Variants in PTPRD observed in about 807,000 individuals in gnomAD.
The protein encoded by PTPRD is protein tyrosine phosphatase receptor type D, also known as receptor-type tyrosine-protein phosphatase delta.
PTPRD carries 34 observed loss-of-function variants against 214.5 expected under a neutral mutation model. That is an observed-to-expected ratio of 0.16 (90% confidence interval 0.12 to 0.21). PTPRD has a LOEUF of 0.21. PTPRD is among the 10% of genes least tolerant of loss of function. PTPRD has a pLI of 1.00. For missense variants in PTPRD, 2,545 were observed against 2,398.7 expected (o/e 1.06, Z -1.27); for synonymous variants, 1,128 against 845.7 (o/e 1.33, Z -5.79).
At chr9:10,011,154 C>T (rs1353944625) in intron 4 of PTPRD, among the ~76,000 whole-genome samples, 4 of 151,924 alleles carry the variant, frequency 2.6e-5, no homozygotes, top group African/African-American at 9.7e-5. Context: ...AGAACATAAT[C>T]ACACAGATTA....
At chr9:8,607,231 A>C (rs902210037) in intron 14 of PTPRD, among the ~76,000 whole-genome samples, 1 of 152,246 alleles carries the variant, frequency 6.6e-6, no homozygotes, top group African/African-American at 2.4e-5. Context: ...TAAATTAGCT[A>C]GGTTTAGTCA....
At chr9:9,501,534 AT>A (rs2096414345) in intron 8 of PTPRD, among the ~76,000 whole-genome samples, 6 of 151,964 alleles carry the variant, frequency 3.9e-5, no homozygotes, top group Admixed American at 3.9e-4. Flanking sequence ...AAATATATAA[AT>A]GATCAAAATA....
In PTPRD at chr9:8,934,134, A is replaced by G. The variant is rs1188523964; in HGVS notation, c.-104+84563T>C. ...ATGGCTAATGCTGAACTGATAAGAG[A>G]GAAAGAGAGAATTGGTAACAAATAA... On this transcript the variant is annotated intron_variant, in intron 11 of 45. Transcript: ENST00000381196. 2.0e-5 allele frequency among the ~76,000 whole-genome samples: 3 copies of G among 151,918 alleles called. No individual in the cohort carries two copies. In the East Asian group the frequency reaches 5.9e-4, roughly 30 times the overall value.
chr9:8,554,006 G>A (rs904067088), intron 14 of PTPRD, among the ~76,000 whole-genome samples: 1 of 151,980 alleles, frequency 6.6e-6, no homozygotes. Flanking sequence ...GGCCAACATG[G>A]TGAAACCCTC....
At chr9:8,438,148 C>A (rs1236191079) in intron 34 of PTPRD, among the ~76,000 whole-genome samples, 2 of 152,272 alleles carry the variant, frequency 1.3e-5, no homozygotes, top group East Asian at 1.9e-4. Context: ...GCCATTGAGT[C>A]AACATGACAT....
intron 2 of PTPRD, among the ~76,000 whole-genome samples, chr9:10,521,692 CA>C (rs1189597033): frequency 1.3e-5 from 2 of 152,068 alleles, no homozygotes; most frequent in African/African-American, 4.8e-5. Flanking sequence ...CCAGATTAGT[CA>C]AAAGCAATTA....
At chr9:9,960,940 C>T (rs1234093586) in intron 4 of PTPRD, among the ~76,000 whole-genome samples, 1 of 152,010 alleles carries the variant, frequency 6.6e-6, no homozygotes, top group Non-Finnish European at 1.5e-5. Flanking sequence ...CCAGAATCTA[C>T]AATGAACTCA....
At chr9:9,574,030 T>C (rs1408927355) in intron 8 of PTPRD, among the ~76,000 whole-genome samples, 2 of 151,876 alleles carry the variant, frequency 1.3e-5, no homozygotes, top group Non-Finnish European at 3.0e-5. Flanking sequence ...TATTATAAAG[T>C]AAATCTTTAT....
chr9:10,170,873 C>T (rs2099199322), intron 3 of PTPRD, among the ~76,000 whole-genome samples: 1 of 152,104 alleles, frequency 6.6e-6, no homozygotes, highest in South Asian at 2.1e-4. Flanking sequence ...TTCATAACAA[C>T]ATTTTTTAAA....
In PTPRD at chr9:8,361,681, T is replaced by C. The variant is rs1472163668; in HGVS notation, c.4661+14255A>G. ...GTTTCTTTGAAAAACAGAAAATGAATTGCCATTTAACAAACACTGCCTGGA... is the reference window on the plus strand; with the variant it reads ...GTTTCTTTGAAAAACAGAAAATGAACTGCCATTTAACAAACACTGCCTGGA... On this transcript the variant is annotated intron_variant, in intron 39 of 45. Transcript: ENST00000381196. 3.3e-5 allele frequency among the ~76,000 whole-genome samples: 5 copies of C among 152,184 alleles called. No individual in the cohort carries two copies. In the East Asian group the frequency reaches 7.7e-4, roughly 23 times the overall value.
At chr9:10,539,611 C>T (rs1292912415) in intron 2 of PTPRD, among the ~76,000 whole-genome samples, 3 of 152,334 alleles carry the variant, frequency 2.0e-5, no homozygotes, top group South Asian at 2.1e-4. Context: ...AGTCTATGAG[C>T]TCCCTTTTTT....
intron 8 of PTPRD, among the ~76,000 whole-genome samples, chr9:9,434,696 A>G (rs2084527644): frequency 6.6e-6 from 1 of 152,064 alleles, no homozygotes; most frequent in South Asian, 2.1e-4. Context: ...AACACAACAG[A>G]GAACCCAGAA....
chr9:8,610,962 C>A (rs995013343), intron 14 of PTPRD, among the ~76,000 whole-genome samples: 1 of 152,194 alleles, frequency 6.6e-6, no homozygotes, highest in Non-Finnish European at 1.5e-5. Context: ...ACATTTTCCA[C>A]ATCAACAACC....
chr9:9,250,729 G>T (rs1213737493), intron 9 of PTPRD, among the ~76,000 whole-genome samples: 1 of 151,886 alleles, frequency 6.6e-6, no homozygotes, highest in African/African-American at 2.4e-5. Context: ...GGCAACCTAT[G>T]AAACAGCAAA....
At chr9:9,703,128 T>G (rs1229002376) in intron 7 of PTPRD, among the ~76,000 whole-genome samples, 1 of 152,168 alleles carries the variant, frequency 6.6e-6, no homozygotes, top group Non-Finnish European at 1.5e-5. Flanking sequence ...CTCGCGATGG[T>G]GACTTCTCAT....
At chr9:10,231,091 C>T (rs2099607857) in intron 3 of PTPRD, among the ~76,000 whole-genome samples, 1 of 151,886 alleles carries the variant, frequency 6.6e-6, no homozygotes, top group Admixed American at 6.6e-5. Context: ...GGAAAAGCTT[C>T]AAAAGCCAAA....
chr9:10,064,788 T>C (rs1054194953), intron 3 of PTPRD, among the ~76,000 whole-genome samples: 1 of 151,964 alleles, frequency 6.6e-6, no homozygotes, highest in Non-Finnish European at 1.5e-5. Context: ...AACTTGCACA[T>C]GTACTCCCTG....
intron 8 of PTPRD, among the ~76,000 whole-genome samples, chr9:9,482,621 T>G (rs1185118796): frequency 6.6e-6 from 1 of 152,206 alleles, no homozygotes; most frequent in African/African-American, 2.4e-5. Flanking sequence ...TTCAGGTATT[T>G]ACTGCCATTC....
intron 4 of PTPRD, among the ~76,000 whole-genome samples, chr9:9,956,780 C>A (rs1296604875): frequency 1.3e-5 from 2 of 151,968 alleles, no homozygotes; most frequent in African/African-American, 2.4e-5. Flanking sequence ...AGTTAGAGAG[C>A]AATGAGATTT....
Sources: gnomAD v4.1 joint callset for allele counts (sites outside exome capture counted in the v4.1 genomes callset) on GRCh38, gnomAD v4.1.1 for gene constraint, MANE v1.5 for transcripts, NCBI Gene and HGNC (gene_info 2026-07-23, HGNC 2026-07-21) for gene names.